ATP2B2: variants seen among roughly 807,000 people sequenced by gnomAD.
ATP2B2 encodes the protein ATPase plasma membrane Ca2+ transporting 2, also known as plasma membrane calcium-transporting ATPase 2.
Under a neutral mutation model 120.0 loss-of-function variants are expected in ATP2B2, and 15 were observed. The ratio of observed to expected loss-of-function variants is 0.12; its 90% CI spans 0.08 to 0.19. ATP2B2 has a LOEUF of 0.19. Among genes scored for constraint, ATP2B2 ranks in the 10% least tolerant of loss-of-function variants. ATP2B2 has a pLI of 1.00. For missense variants in ATP2B2, 1,045 were observed against 1,719.8 expected, an observed-to-expected ratio of 0.61 and a Z score of 6.94; for synonymous variants, 694 against 700.3, an observed-to-expected ratio of 0.99 and a Z score of 0.14.
chr3:10,583,941 T>C (rs761644984), intron 2 of ATP2B2, among the ~76,000 whole-genome samples: 15 of 152,210 alleles, frequency 9.9e-5, no homozygotes, highest in African/African-American at 3.6e-4. Flanking sequence ...CCCAGGACCC[T>C]GACAGCAGCT....
rs12488802 is a variant in ATP2B2 at position 10,589,759 on chromosome 3, C to T, written c.-415+30158G>A. On this transcript the variant is annotated intron_variant, in intron 2 of 21. Transcript: ENST00000646379. ...AGAATGGCTAAAGTAATAATGAGAA[C>T]GAATAAACACTGCCAACAATCCCAA... Among the ~76,000 whole-genome samples the T allele has an allele frequency of 5.8e-3, 878 of 152,244 alleles. 2 individuals carry two copies. Among genetic ancestry groups the T allele is most frequent in the Non-Finnish European group, 9.7e-3 (662 of 68,016 alleles).
At chr3:10,553,791 G>A (rs530346459) in intron 2 of ATP2B2, among the ~76,000 whole-genome samples, 5 of 152,216 alleles carry the variant, frequency 3.3e-5, no homozygotes, top group African/African-American at 1.2e-4. Flanking sequence ...GTTTCTGTTG[G>A]GTAAATATCA....
intron 6 of ATP2B2, chr3:10,388,066 T>A: frequency 1.6e-6 from 1 of 632,296 alleles, no homozygotes; most frequent in Non-Finnish European, 2.7e-6. Flanking sequence ...ATGACATGAT[T>A]GGACAAGACA....
At chr3:10,423,724 A>G (rs1305380088) in intron 2 of ATP2B2, among the ~76,000 whole-genome samples, 1 of 152,200 alleles carries the variant, frequency 6.6e-6, no homozygotes, top group Non-Finnish European at 1.5e-5. Context: ...GTAGCCTCCC[A>G]GGACGCCTTT....
chr3:10,444,704 A>C (rs1484800952), intron 2 of ATP2B2, among the ~76,000 whole-genome samples: 1 of 152,168 alleles, frequency 6.6e-6, no homozygotes, highest in African/African-American at 2.4e-5. Flanking sequence ...AGGTGGGTGC[A>C]GGTGTCAGGA....
intron 2 of ATP2B2, among the ~76,000 whole-genome samples, chr3:10,445,978 A>G (rs1470358306): frequency 6.6e-6 from 1 of 152,200 alleles, no homozygotes. Flanking sequence ...GCCCCACCCT[A>G]TTCAGGCCTT....
Position 10,345,570 on chromosome 3 carries a change from G to A in ATP2B2, c.2517C>T (p.Ile839=), listed in dbSNP as rs1368663194. Reference sequence around the variant, plus strand: ...CCTCCTTGGCCACGTCAGTGCCTGCGATGCCCTGTGGGGACAGGGACAGGA... The same window carrying A: ...CCTCCTTGGCCACGTCAGTGCCTGCAATGCCCTGTGGGGACAGGGACAGGA... ...KKADVGFAMG[I]AGTDVAKEAS... Residue 839 remains isoleucine (I), a synonymous_variant, in exon 18 of 23, where the codon ATC becomes ATT. Transcript: ENST00000360273. The A allele has an allele frequency of 1.2e-5, 20 of 1,614,032 alleles. No individual in the cohort carries two copies. Among genetic ancestry groups the A allele is most frequent in the Non-Finnish European group, 1.6e-5 (19 of 1,179,980 alleles).
At chr3:10,662,312 G>A (rs1000408265) in intron 1 of ATP2B2, among the ~76,000 whole-genome samples, 20 of 151,878 alleles carry the variant, frequency 1.3e-4, no homozygotes, top group Admixed American at 2.6e-4. Flanking sequence ...GGAACCTACA[G>A]AATGGGAAAA....
chr3:10,390,576 G>A (rs2061819673), intron 5 of ATP2B2, among the ~76,000 whole-genome samples: 1 of 151,906 alleles, frequency 6.6e-6, no homozygotes, highest in South Asian at 2.1e-4. Context: ...ATCTCAAAGT[G>A]CTTTACAGAG....
intron 3 of ATP2B2, among the ~76,000 whole-genome samples, chr3:10,531,147 T>G (rs2067201131): frequency 6.6e-6 from 1 of 152,170 alleles, no homozygotes; most frequent in Non-Finnish European, 1.5e-5. Context: ...GACCTTTCAC[T>G]CTGGCTCCAG....
At chr3:10,701,019 T>C (rs1447014053) in intron 1 of ATP2B2, among the ~76,000 whole-genome samples, 1 of 152,220 alleles carries the variant, frequency 6.6e-6, no homozygotes, top group African/African-American at 2.4e-5. Context: ...CAATTCAATT[T>C]ATCATGTGGC....
intron 1 of ATP2B2, among the ~76,000 whole-genome samples, chr3:10,687,129 A>C (rs2071542480): frequency 6.6e-6 from 1 of 152,226 alleles, no homozygotes; most frequent in Admixed American, 6.5e-5. Context: ...TGTAATACCC[A>C]TACACCTTAG....
intron 1 of ATP2B2, among the ~76,000 whole-genome samples, chr3:10,464,087 C>T (rs2064622807): frequency 6.6e-6 from 1 of 152,218 alleles, no homozygotes; most frequent in Non-Finnish European, 1.5e-5. Context: ...GAAGTGTGAC[C>T]ATGGGGGGGC....
intron 2 of ATP2B2, among the ~76,000 whole-genome samples, chr3:10,612,188 T>A (rs1041165402): frequency 2.0e-5 from 3 of 152,236 alleles, no homozygotes; most frequent in South Asian, 2.1e-4. Context: ...AAGCTCCCAC[T>A]TTAACCCCTC....
At chr3:10,529,902 A>T (rs2067175359) in intron 3 of ATP2B2, among the ~76,000 whole-genome samples, 1 of 152,030 alleles carries the variant, frequency 6.6e-6, no homozygotes, top group African/African-American at 2.4e-5. Flanking sequence ...CTACTTCTCT[A>T]CTCCAAGGAG....
Position 10,327,934 on chromosome 3 carries a change from G to A in ATP2B2, c.*880C>T, listed in dbSNP as rs1325097337. ...ACCCAGGGGAAGTGTCTGTTGGGCC[G>A]AGCTGTTTTTATAGCATCTCAGCCA... On this transcript the variant is annotated 3_prime_UTR_variant, in exon 23 of 23. Transcript: ENST00000360273. The A allele has an allele frequency of 6.6e-6, 1 of 152,600 alleles. No individual in the cohort carries two copies. Among genetic ancestry groups the A allele is most frequent in the African/African-American group, 2.4e-5 (1 of 41,440 alleles). 9.5% of individuals were successfully genotyped at this position (152,600 alleles called of 1,614,324 possible). A position where few individuals can be genotyped will look rare whatever the true frequency, so the allele number is the denominator to read the frequency against.
chr3:10,624,059 A>G (rs1472362642), intron 1 of ATP2B2, among the ~76,000 whole-genome samples: 1 of 152,184 alleles, frequency 6.6e-6, no homozygotes, highest in Admixed American at 6.5e-5. Context: ...TGTAGCTCCC[A>G]TCCCCCTTGT....
At chr3:10,392,744 AT>A (rs1188373705) in intron 5 of ATP2B2, among the ~76,000 whole-genome samples, 1 of 152,234 alleles carries the variant, frequency 6.6e-6, no homozygotes, top group Admixed American at 6.5e-5. Flanking sequence ...CACCTGGGAC[AT>A]GGTGTCTAAT....
chr3:10,703,113 A>G (rs2071843416), intron 1 of ATP2B2, among the ~76,000 whole-genome samples: 2 of 152,168 alleles, frequency 1.3e-5, no homozygotes, highest in Admixed American at 1.3e-4. Flanking sequence ...TCATTCTTCA[A>G]AGGTCTCTCC....
Sources: gnomAD v4.1 joint callset for allele counts (sites outside exome capture counted in the v4.1 genomes callset) on GRCh38, gnomAD v4.1.1 for gene constraint, MANE v1.5 for transcripts, NCBI Gene and HGNC (gene_info 2026-07-23, HGNC 2026-07-21) for gene names.